Variants in MAGI3 observed in about 807,000 individuals in gnomAD.
The protein encoded by MAGI3 is membrane associated guanylate kinase, WW and PDZ domain containing 3.
MAGI3 carries 43 observed loss-of-function variants against 121.8 expected under a neutral mutation model. That is an observed-to-expected ratio of 0.35 (90% CI 0.28 to 0.46). MAGI3 has a LOEUF of 0.46. Ranked by LOEUF, MAGI3 falls within the 20% of genes least tolerant of loss-of-function variation. The probability of loss-of-function intolerance (pLI) is 1.00; values close to 1 mark genes in which losing one functional copy is unlikely to be tolerated. For synonymous variants in MAGI3, 553 were observed against 639.3 expected (o/e 0.86, Z 2.04); for missense variants, 1,547 against 1,797.3 (o/e 0.86, Z 2.52).
chr1:113,480,755 GT>G (rs919559712), intron 1 of MAGI3, among the ~76,000 whole-genome samples: 1 of 151,648 alleles, frequency 6.6e-6, no homozygotes, highest in African/African-American at 2.4e-5. Context: ...TCTTGTGAAA[GT>G]TTTTTTTTGT....
intron 1 of MAGI3, among the ~76,000 whole-genome samples, chr1:113,428,165 G>A (rs1653111014): frequency 6.6e-6 from 1 of 152,064 alleles, no homozygotes; most frequent in Non-Finnish European, 1.5e-5. Context: ...TCAACTTGTT[G>A]TTAAAAATGA....
At chr1:113,637,743 A>G (rs1188360099) in intron 9 of MAGI3, among the ~76,000 whole-genome samples, 3 of 152,036 alleles carry the variant, frequency 2.0e-5, no homozygotes, top group East Asian at 1.9e-4. Flanking sequence ...TCTTTGTGGC[A>G]TTCTCTGTAT....
At chr1:113,417,285 C>A (rs189709604) in intron 1 of MAGI3, among the ~76,000 whole-genome samples, 1 of 152,172 alleles carries the variant, frequency 6.6e-6, no homozygotes, top group Non-Finnish European at 1.5e-5. Context: ...TTTGAGAATG[C>A]AATTTCACCT....
chr1:113,539,296 G>C (rs974844220), intron 1 of MAGI3, among the ~76,000 whole-genome samples: 1 of 151,768 alleles, frequency 6.6e-6, no homozygotes, highest in African/African-American at 2.4e-5. Flanking sequence ...GGGAGGCTGA[G>C]GCAGGAGAAT....
At chr1:113,549,464 T>G (rs1345333257) in intron 1 of MAGI3, 51 bp from the exon 2 acceptor site, 1 of 1,000,114 alleles carries the variant, frequency 1.0e-6, no homozygotes, top group African/African-American at 1.6e-5. Flanking sequence ...TAAGTGAACG[T>G]CTAAAAATTA....
chr1:113,449,375 G>GTGTGTGTGTGTA (rs1654361206), intron 1 of MAGI3, among the ~76,000 whole-genome samples: 4 of 151,592 alleles, frequency 2.6e-5, no homozygotes, highest in Admixed American at 2.6e-4. Flanking sequence ...GTGTGTGTGT[G>GTGTGTGTGTGTA]TGTGTGTGTG....
At chr1:113,415,906 AT>A (rs1165480415) in intron 1 of MAGI3, among the ~76,000 whole-genome samples, 1 of 151,806 alleles carries the variant, frequency 6.6e-6, no homozygotes, top group Admixed American at 6.6e-5. Context: ...ATTATGGAGG[AT>A]TTGAAAGCTA....
At chr1:113,660,984 T>G (rs971333602) in intron 16 of MAGI3, among the ~76,000 whole-genome samples, 1 of 152,124 alleles carries the variant, frequency 6.6e-6, no homozygotes, top group Admixed American at 6.6e-5. Flanking sequence ...TTCTGAGGGC[T>G]TCTGTCCCAT....
chr1:113,468,442 A>G (rs1241690510), intron 1 of MAGI3, among the ~76,000 whole-genome samples: 1 of 152,188 alleles, frequency 6.6e-6, no homozygotes, highest in African/African-American at 2.4e-5. Context: ...ATGACAACTT[A>G]TCTTAGATCA....
intron 1 of MAGI3, among the ~76,000 whole-genome samples, chr1:113,458,298 A>G (rs899889803): frequency 2.6e-5 from 4 of 152,168 alleles, no homozygotes; most frequent in Non-Finnish European, 5.9e-5. Context: ...AGAAAGAGTC[A>G]AGGATGGCCC....
intron 16 of MAGI3, among the ~76,000 whole-genome samples, chr1:113,665,001 A>G (rs1466345668): frequency 6.6e-6 from 1 of 152,198 alleles, no homozygotes; most frequent in Non-Finnish European, 1.5e-5. Flanking sequence ...AGATGTAATC[A>G]AATTTGTCAC....
chr1:113,524,218 C>A (rs1254190031), intron 1 of MAGI3, among the ~76,000 whole-genome samples: 2 of 152,192 alleles, frequency 1.3e-5, no homozygotes, highest in Non-Finnish European at 2.9e-5. Flanking sequence ...CATGGAGAAC[C>A]TTTGCTAAGG....
chr1:113,511,767 G>A (rs139979936), intron 1 of MAGI3, among the ~76,000 whole-genome samples: 3 of 152,324 alleles, frequency 2.0e-5, no homozygotes, highest in Admixed American at 1.3e-4. Flanking sequence ...TAGATAAATA[G>A]TAGTTCCATA....
At chr1:113,486,419 TTTTACC>T (rs2101573492) in intron 1 of MAGI3, among the ~76,000 whole-genome samples, 1 of 152,276 alleles carries the variant, frequency 6.6e-6, no homozygotes, top group South Asian at 2.1e-4. Context: ...TGTAGAGGTC[TTTTACC>T]TCCTTGGTTA....
chr1:113,531,741 C>CGG (rs1658736939), intron 1 of MAGI3, among the ~76,000 whole-genome samples: 1 of 98,956 alleles, frequency 1.0e-5, no homozygotes, highest in Admixed American at 1.1e-4. Flanking sequence ...GGGGCTGGGG[C>CGG]GGGGACAGGG....
intron 9 of MAGI3, among the ~76,000 whole-genome samples, chr1:113,640,026 G>T (rs1239708160): frequency 6.6e-6 from 1 of 152,144 alleles, no homozygotes; most frequent in African/African-American, 2.4e-5. Flanking sequence ...AAGAAATAAG[G>T]TGGTATTTAA....
At chr1:113,616,965 C>T (rs1401099638) in intron 7 of MAGI3, among the ~76,000 whole-genome samples, 1 of 150,108 alleles carries the variant, frequency 6.7e-6, no homozygotes, top group African/African-American at 2.5e-5. Flanking sequence ...CTCACTGCAA[C>T]CTCCGCCTTC....
At chr1:113,665,244 A>T (rs746019065) in intron 16 of MAGI3, among the ~76,000 whole-genome samples, 1 of 152,102 alleles carries the variant, frequency 6.6e-6, no homozygotes, top group Non-Finnish European at 1.5e-5. Flanking sequence ...ATTAGACAGC[A>T]CTTCTTTGCC....
intron 1 of MAGI3, among the ~76,000 whole-genome samples, chr1:113,474,774 A>T (rs1655726213): frequency 6.6e-6 from 1 of 152,206 alleles, no homozygotes; most frequent in Non-Finnish European, 1.5e-5. Flanking sequence ...CAATTCTGTG[A>T]AGAAAGTCAT....
Sources: allele counts gnomAD v4.1 joint callset (sites outside exome capture counted in the v4.1 genomes callset), GRCh38; gene constraint gnomAD v4.1.1; transcripts MANE v1.5; gene names NCBI Gene and HGNC (gene_info 2026-07-23, HGNC 2026-07-21).